PKD1: variants seen among roughly 807,000 people sequenced by gnomAD.
PKD1 encodes the protein polycystin-1.
A neutral mutation model predicts 361.7 loss-of-function variants in PKD1; 81 were observed. That is an observed-to-expected ratio of 0.22 (90% CI 0.19 to 0.27). PKD1 has a LOEUF of 0.27. PKD1 is among the 10% of genes least tolerant of loss of function. The pLI, the probability that PKD1 is intolerant of heterozygous loss-of-function variation, is 1.00. For synonymous variants in PKD1, 3,615 were observed against 2,818.3 expected, an observed-to-expected ratio of 1.28 and a Z score of -8.95; for missense variants, 6,399 against 6,118.3, an observed-to-expected ratio of 1.05 and a Z score of -1.53.
intron 1 of PKD1, among the ~76,000 whole-genome samples, chr16:2,127,234 C>A (rs2092810644): frequency 6.6e-6 from 1 of 152,220 alleles, no homozygotes; most frequent in Admixed American, 6.5e-5. Context: ...GTGCCACTCG[C>A]CAGCTTACGT....
chr16:2,131,461 T>C (rs2092878524), intron 1 of PKD1, among the ~76,000 whole-genome samples: 1 of 151,626 alleles, frequency 6.6e-6, no homozygotes, highest in Admixed American at 6.6e-5. Context: ...TGAGCTGAGA[T>C]GGCACTGCTG....
rs756213253 is a variant in PKD1, at chr16:2,112,929, A to G, written c.3020T>C (p.Val1007Ala). The G allele has an allele frequency of 2.6e-5, 41 of 1,604,054 alleles. No homozygotes were observed. The highest frequency in any genetic ancestry group is 4.5e-4 in the Middle Eastern group (2 of 4,450). The part of the protein sequence containing the change: ...TASNHVSNVT[V>A]NYNVTVERMN... ...CCGCTCCACGGTTACGTTGTAGTTCACGGTGACGTTGCTCACGTGGTTGGA... is the reference window on the plus strand; with the variant it reads ...CCGCTCCACGGTTACGTTGTAGTTCGCGGTGACGTTGCTCACGTGGTTGGA... The change falls in exon 13 of 46, where the codon GTG becomes GCG. Residue 1007 changes from valine to alanine, a missense_variant. By Grantham distance (64) the Val-to-Ala change is moderately conservative. Transcript: ENST00000262304.
In PKD1 at chr16:2,118,044, G is replaced by C; in HGVS notation, c.948C>G (p.Ala316=). The C allele has an allele frequency of 6.2e-7, 1 of 1,603,278 alleles. No homozygotes were observed. Residue 316 remains alanine, a synonymous_variant, in exon 5 of 46, where the codon GCC becomes GCG. Transcript: ENST00000262304. The surrounding 1 kb of genome is among the most constrained non-coding windows in gnomAD (Gnocchi z 6.0). ...DFGDGSAEVD[A]AGPAASHRYV... ...AGCGATGCGAGGCAGCCGGCCCAGC[G>C]GCATCCACCTCGGCGGAGCCGTCTC...
At chr16:2,107,560 C>G in intron 16 of PKD1, 1 of 463,212 alleles carries the variant, frequency 2.2e-6, no homozygotes, top group Admixed American at 3.4e-5. Context: ...AGAACCGGCC[C>G]ACCACATCCA....
At chr16:2,091,658 C>A (rs1477893774) in intron 41 of PKD1, 61 bp from the exon 42 acceptor site, 2 of 1,557,534 alleles carry the variant, frequency 1.3e-6, no homozygotes, top group East Asian at 4.6e-5. Context: ...GGGGACCGCG[C>A]AGTGCAGGCG....
chr16:2,129,782 C>T (rs961854424), intron 1 of PKD1, among the ~76,000 whole-genome samples: 2 of 151,650 alleles, frequency 1.3e-5, no homozygotes, highest in Non-Finnish European at 2.9e-5. Flanking sequence ...AACTCCTGGG[C>T]TCAAGCGATC....
In PKD1 at chr16:2,106,437, C is replaced by T. The variant is rs771025124; in HGVS notation, c.7450G>A (p.Val2484Met). 1 of 1,589,674 alleles carries T rather than the reference C, an allele frequency of 6.3e-7. No individual in the cohort carries two copies. The part of the protein sequence containing the change: ...GSCRLFPLGA[V>M]HALTTKVHFE... ...TGCACCTTGGTGGTGAGGGCGTGCACAGCGCCCAGTGGGAAGAGGCGGCAA... is the reference window on the plus strand; with the variant it reads ...TGCACCTTGGTGGTGAGGGCGTGCATAGCGCCCAGTGGGAAGAGGCGGCAA... Residue 2484 changes from valine (V) to methionine (M), a missense_variant, in exon 18 of 46, where the codon GTG (valine) becomes ATG (methionine). Transcript: ENST00000262304. The surrounding 1 kb of genome is among the most constrained non-coding windows in gnomAD (Gnocchi z 6.5).
intron 1 of PKD1, chr16:2,135,217 T>C (rs1596635907): frequency 1.0e-6 from 1 of 983,662 alleles, no homozygotes; most frequent in South Asian, 4.7e-5. Context: ...GAGCGCGGCC[T>C]CCGCGCCCCG....
At position 2,091,601 on chromosome 16, in the gene PKD1, C is replaced by G. The variant is rs763279854; in HGVS notation, c.11538-4G>C. 1 of 1,559,122 alleles carries G rather than the reference C, an allele frequency of 6.4e-7. No individual in the cohort carries two copies. Reference sequence around the variant, plus strand: ...CTCCAGGAACACAGCGCGGCTCCTGCGCAGAGGGTGCGGGTCAGTAGGAGC... The same window carrying G: ...CTCCAGGAACACAGCGCGGCTCCTGGGCAGAGGGTGCGGGTCAGTAGGAGC... On this transcript the variant is annotated splice_polypyrimidine_tract_variant and splice_region_variant and intron_variant, in intron 41 of 45. Transcript: ENST00000262304.
Position 2,091,277 on chromosome 16 carries a change from GCTGCCGGGGCGGGGCC to G in PKD1, c.11713-119_11713-104del, listed in dbSNP as rs1406925222. The G allele has an allele frequency of 3.3e-3, 1,327 of 403,204 alleles. 31 individuals are homozygous for G. The highest frequency in any genetic ancestry group is 0.027 in the African/African-American group (1,025 of 38,598). The allele number at this position is 403,204 out of a possible 1,614,324, so 25.0% of individuals were successfully genotyped here. On this transcript the variant is annotated intron_variant, in intron 42 of 45. Transcript: ENST00000262304. The stretch of plus-strand genomic sequence containing the variant: ...GCGGGGCCCTACGAGGGGGCGGGAC[GCTGCCGGGGCGGGGCC>G]CTGCGAGGGGGCGGGACGCTGCGAG...
chr16:2,093,421 G>A (rs952462984), intron 37 of PKD1, 123 bp downstream of exon 37: 18 of 933,730 alleles, frequency 1.9e-5, no homozygotes, highest in Non-Finnish European at 2.8e-5. Flanking sequence ...AGGCTGCAGA[G>A]CATTGAACCC....
intron 16 of PKD1, chr16:2,107,567 T>A (rs1160218411): frequency 2.1e-6 from 1 of 469,984 alleles, no homozygotes; most frequent in Admixed American, 3.4e-5. Context: ...GCCCACCACA[T>A]CCAGCAACAG....
rs540462864 is a variant in PKD1, at chr16:2,100,156, G to A, written c.9712+10C>T. 1.4e-5 allele frequency: 23 copies of A among 1,606,402 alleles called. No homozygotes were observed. Among genetic ancestry groups the A allele is most frequent in the East Asian group, 6.7e-5 (3 of 44,826 alleles). On this transcript the variant is annotated intron_variant, in intron 28 of 45. Transcript: ENST00000262304. The surrounding 1 kb of genome is among the most constrained non-coding windows in gnomAD (Gnocchi z 4.4). ...CTCCCACGGAGTGGGAACATGGAAC[G>A]AGGCCTTACTCGCGGCCAGCACCTC... is the stretch of plus-strand genomic sequence containing the variant.
Position 2,111,432 on chromosome 16 carries a change from G to C in PKD1, c.3735C>G (p.Phe1245Leu). 1 of 1,611,868 alleles carries C rather than the reference G, an allele frequency of 6.2e-7. No individual in the cohort carries two copies. Among genetic ancestry groups the C allele is most frequent in the Non-Finnish European group, 8.5e-7 (1 of 1,179,560 alleles). The change falls in exon 15 of 46, where the codon TTC (phenylalanine) becomes TTG (leucine). Residue 1245 changes from phenylalanine (F) to leucine (L), a missense_variant. Coordinates refer to ENST00000262304, the MANE Select transcript of PKD1 (RefSeq NM_001009944.3). ...ACAGCACGGTGCCGTCCCCCATGTC[G>C]AAGGTCCACGTGATGTTGTCGCCCG... Reference protein sequence around the residue: ...VQTGDNITWTFDMGDGTVLSG... With the variant: ...VQTGDNITWTLDMGDGTVLSG...
intron 30 of PKD1, 85 bp downstream of exon 30, chr16:2,099,559 C>T (rs2151737561): frequency 7.6e-7 from 1 of 1,322,486 alleles, no homozygotes; most frequent in East Asian, 2.5e-5. Flanking sequence ...CCTCTGGCTG[C>T]AGCACTGGAA....
chr16:2,109,076 C>T lies in PKD1; in HGVS notation c.6091G>A (p.Val2031Met), dbSNP rs765389584. ...TGGATCTCCAACAGCCCCGCGGCCA[C>T]GGGCGTGTAGGTGACGTCGCGGCCC... ...LSGRDVTYTP[V>M]AAGLLEIQVR... Residue 2031 changes from valine to methionine, a missense_variant, in exon 15 of 46, where the codon GTG becomes ATG. Val to Met is a conservative substitution (Grantham distance 21). Coordinates refer to ENST00000262304, the MANE Select transcript of PKD1 (RefSeq NM_001009944.3). The T allele has an allele frequency of 1.6e-4, 254 of 1,605,256 alleles. 1 individual carries two copies. In the South Asian group the frequency reaches 2.4e-3, roughly 15 times the overall value.
In PKD1 at chr16:2,109,891, C is replaced by T. The variant is rs777419599; in HGVS notation, c.5276G>A (p.Ser1759Asn). ...VYTWSLEEGL[S>N]WETSEPFTTH... is the part of the protein sequence containing the mutation. ...GGTAAATGGCTCGGAGGTCTCCCAG[C>T]TCAGCCCCTCCTCCAAGGACCAAGT... The change falls in exon 15 of 46, where the codon AGC becomes AAC. Residue 1759 changes from serine to asparagine, a missense_variant. Transcript: ENST00000262304. The T allele has an allele frequency of 1.2e-5, 20 of 1,610,536 alleles. No homozygotes were observed. The highest frequency in any genetic ancestry group is 1.7e-5 in the Non-Finnish European group (20 of 1,179,826).
chr16:2,119,741 C>A (rs2092691580), intron 1 of PKD1: 1 of 629,136 alleles, frequency 1.6e-6, no homozygotes, highest in African/African-American at 1.8e-5. Flanking sequence ...GTCTCCCAAC[C>A]CTGTCCACAG....
rs1462176916 is a variant in PKD1, at chr16:2,112,453, T to A, written c.3182A>T (p.Glu1061Val). The A allele has an allele frequency of 1.3e-6, 2 of 1,588,178 alleles. No homozygotes were observed. The highest frequency in any genetic ancestry group is 2.2e-5 in the South Asian group (2 of 89,816). ...VAFLWTFGDGEQALHQFQPPY... is the reference protein window; with the variant it reads ...VAFLWTFGDGVQALHQFQPPY... ...AGGCTGGAACTGGTGGAGGGCCTGCTCCCCATCCCCAAAGGTCCACCTGCC... is the reference window on the plus strand; with the variant it reads ...AGGCTGGAACTGGTGGAGGGCCTGCACCCCATCCCCAAAGGTCCACCTGCC... The change falls in exon 14 of 46, where the codon GAG becomes GTG. Residue 1061 changes from glutamate (E) to valine (V), a missense_variant. Physicochemically the swap from Glu to Val is moderately radical, Grantham distance 121. Transcript: ENST00000262304.
Sources: allele counts gnomAD v4.1 joint callset (sites outside exome capture counted in the v4.1 genomes callset), GRCh38; gene constraint gnomAD v4.1.1; non-coding constraint Gnocchi (gnomAD v3.1); transcripts MANE v1.5; gene names NCBI Gene and HGNC (gene_info 2026-07-23, HGNC 2026-07-21).